FIG4: variants seen among roughly 807,000 people sequenced by gnomAD.
The protein encoded by FIG4 is FIG4 phosphoinositide 5-phosphatase.
Under a neutral mutation model 118.6 loss-of-function variants are expected in FIG4, and 112 were observed. The ratio of observed to expected loss-of-function variants is 0.94; its 90% CI spans 0.81 to 1.11. The LOEUF (loss-of-function observed/expected upper bound fraction) is 1.11. FIG4 is among the 50% of genes least tolerant of loss of function. The pLI, the probability that FIG4 is intolerant of heterozygous loss-of-function variation, is 0.00. For synonymous variants in FIG4, 369 were observed against 381.2 expected (o/e 0.97, Z 0.37); for missense variants, 969 against 1,111.7 (o/e 0.87, Z 1.83).
Position 109,825,324 on chromosome 6 carries a change from A to G in FIG4, c.*59A>G, listed in dbSNP as rs1779130242. ...ATTAGCTTAGAACCTGTCTTGTCTC[A>G]TCTTCAAAAGGTAACTTATTAAAAG... On this transcript the variant is annotated 3_prime_UTR_variant, in exon 23 of 23. Coordinates refer to ENST00000230124, the MANE Select transcript of FIG4 (RefSeq NM_014845.6). 6.0e-6 allele frequency: 9 copies of G among 1,504,808 alleles called. No individual in the cohort carries two copies. Among genetic ancestry groups the G allele is most frequent in the African/African-American group, 1.4e-5 (1 of 72,660 alleles). The allele number at this position is 1,504,808 out of a possible 1,614,324, so 93.2% of individuals were successfully genotyped here. A position where few individuals can be genotyped will look rare whatever the true frequency, so the allele number is the denominator to read the frequency against.
At chr6:109,764,315 C>G (rs1441065028) in intron 13 of FIG4, among the ~76,000 whole-genome samples, 1 of 151,746 alleles carries the variant, frequency 6.6e-6, no homozygotes, top group Admixed American at 6.6e-5. Flanking sequence ...GCATGCACCT[C>G]TAGTCCCAGC....
rs1160167489 is a variant in FIG4, at chr6:109,727,093, A to AT, written c.290-10dup. 6.3e-7 allele frequency: 1 copy of AT among 1,592,932 alleles called. No individual in the cohort carries two copies. Among genetic ancestry groups the AT allele is most frequent in the African/African-American group, 1.3e-5 (1 of 74,506 alleles). On this transcript the variant is annotated splice_polypyrimidine_tract_variant and intron_variant, in intron 3 of 22. Coordinates refer to ENST00000230124, the MANE Select transcript of FIG4 (RefSeq NM_014845.6). ...AAGTTTATAAAGCATATTTCTCTTTATTTTTTGTTGCATAGGTTTTGTCAG... is the reference window on the plus strand; with the variant it reads ...AAGTTTATAAAGCATATTTCTCTTTATTTTTTTGTTGCATAGGTTTTGTCAG...
In FIG4 at chr6:109,782,304, C is replaced by T. The variant is rs762869456; in HGVS notation, c.1890-2666C>T. ...AAGATTCCCCTATCTTGGGCTTAGT[C>T]GTCTTAGATGCTCTTATCCTCCATC... On this transcript the variant is annotated intron_variant, in intron 16 of 22. Transcript: ENST00000230124. Among the ~76,000 whole-genome samples the T allele has an allele frequency of 5.4e-4, 82 of 152,274 alleles. 2 individuals are homozygous for T. Among genetic ancestry groups the T allele is most frequent in the Non-Finnish European group, 6.8e-4 (46 of 68,026 alleles).
At chr6:109,790,635 T>C (rs1778109967) in intron 19 of FIG4, among the ~76,000 whole-genome samples, 1 of 152,188 alleles carries the variant, frequency 6.6e-6, no homozygotes, top group Admixed American at 6.5e-5. Flanking sequence ...TTTCAAAATA[T>C]TATGGTATTT....
intron 22 of FIG4, among the ~76,000 whole-genome samples, chr6:109,818,411 G>A (rs1699907501): frequency 6.6e-6 from 1 of 152,082 alleles, no homozygotes; most frequent in African/African-American, 2.4e-5. Context: ...TGTTGGTCAC[G>A]CTGGTCTCGA....
chr6:109,770,216 CTCTT>C (rs1236949750), intron 15 of FIG4, among the ~76,000 whole-genome samples: 4 of 152,142 alleles, frequency 2.6e-5, no homozygotes, highest in East Asian at 3.9e-4. Context: ...CCTTGCTAAG[CTCTT>C]TCTATTTTTT....
intron 10 of FIG4, among the ~76,000 whole-genome samples, chr6:109,752,748 C>T (rs1361596839): frequency 6.6e-6 from 1 of 152,166 alleles, no homozygotes; most frequent in African/African-American, 2.4e-5. Context: ...AGCCCTTAGT[C>T]AGATGAGTAG....
At chr6:109,696,236 C>G (rs1774713891) in intron 1 of FIG4, among the ~76,000 whole-genome samples, 1 of 152,176 alleles carries the variant, frequency 6.6e-6, no homozygotes, top group South Asian at 2.1e-4. Flanking sequence ...GGGCTGTTTT[C>G]AAACTGATCT....
intron 3 of FIG4, among the ~76,000 whole-genome samples, chr6:109,722,142 G>C (rs1449912367): frequency 6.6e-6 from 1 of 150,538 alleles, no homozygotes; most frequent in Non-Finnish European, 1.5e-5. Context: ...TTCCTAAGTT[G>C]CTTTTAGTAA....
At chr6:109,759,636 A>G (rs1193360041) in intron 10 of FIG4, among the ~76,000 whole-genome samples, 1 of 152,234 alleles carries the variant, frequency 6.6e-6, no homozygotes, top group Non-Finnish European at 1.5e-5. Context: ...AATGAGAGGC[A>G]GTGCAGTGTC....
intron 16 of FIG4, among the ~76,000 whole-genome samples, chr6:109,778,149 A>G (rs1251980682): frequency 1.3e-5 from 2 of 152,048 alleles, no homozygotes; most frequent in Non-Finnish European, 2.9e-5. Context: ...AGTTTGATAG[A>G]GCCCTAATTT....
chr6:109,810,272 G>A (rs539519187), intron 22 of FIG4, among the ~76,000 whole-genome samples: 2 of 152,302 alleles, frequency 1.3e-5, no homozygotes, highest in Admixed American at 6.5e-5. Flanking sequence ...TACTTTTCCA[G>A]TTAACTGGAA....
chr6:109,794,467 C>A (rs1337390607), intron 21 of FIG4, among the ~76,000 whole-genome samples: 1 of 152,234 alleles, frequency 6.6e-6, no homozygotes, highest in Non-Finnish European at 1.5e-5. Context: ...ACTGCCCTTA[C>A]TGCCTTGCCT....
chr6:109,708,433 G>A (rs900256642), intron 1 of FIG4, among the ~76,000 whole-genome samples: 2 of 152,174 alleles, frequency 1.3e-5, no homozygotes, highest in African/African-American at 2.4e-5. Context: ...GAACATACAC[G>A]TGCATGTGTC....
chr6:109,709,142 G>C (rs1775180769), intron 1 of FIG4, among the ~76,000 whole-genome samples: 1 of 152,098 alleles, frequency 6.6e-6, no homozygotes, highest in African/African-American at 2.4e-5. Flanking sequence ...TTTTGTATGT[G>C]GTGTAAGGAA....
Position 109,713,392 on chromosome 6 carries a change from G to A in FIG4, c.67-1686G>A, listed in dbSNP as rs544461806. Among the ~76,000 whole-genome samples, 72 of 152,196 alleles carry A rather than the reference G, an allele frequency of 4.7e-4. 1 individual carries two copies. Among genetic ancestry groups the A allele is most frequent in the Admixed American group, 7.2e-4 (11 of 15,282 alleles). ...TAGCACAGGGGCAGGGCACTGGTAG[G>A]TGCAGGTCTATATACACTCTCTGTG... On this transcript the variant is annotated intron_variant, in intron 1 of 22. Coordinates refer to ENST00000230124, the MANE Select transcript of FIG4 (RefSeq NM_014845.6).
chr6:109,738,536 T>G (rs1416313561), intron 7 of FIG4, 83 bp downstream of exon 7: 5 of 1,274,216 alleles, frequency 3.9e-6, no homozygotes, highest in Non-Finnish European at 4.6e-6. Context: ...ATGAATTATA[T>G]GATTATAATA....
At chr6:109,731,393 T>C (rs1311929989) in intron 4 of FIG4, among the ~76,000 whole-genome samples, 2 of 152,198 alleles carry the variant, frequency 1.3e-5, no homozygotes, top group East Asian at 1.9e-4. Context: ...CATGGGATGC[T>C]CTTGGCAGCA....
At chr6:109,697,146 T>C (rs829812) in intron 1 of FIG4, among the ~76,000 whole-genome samples, 119,532 of 151,502 alleles carry the variant, frequency 0.79, 47,289 homozygotes, top group African/African-American at 0.86. Flanking sequence ...CCTGTAGTCC[T>C]AGCTACTCGG....
Sources: gnomAD v4.1 joint callset for allele counts (sites outside exome capture counted in the v4.1 genomes callset) on GRCh38, gnomAD v4.1.1 for gene constraint, MANE v1.5 for transcripts, NCBI Gene and HGNC (gene_info 2026-07-23, HGNC 2026-07-21) for gene names.